The following GBE1 variants were observed in gnomAD, a reference collection of about 807,000 sequenced individuals.
The protein encoded by GBE1 is 1,4-alpha-glucan branching enzyme 1.
A neutral mutation model predicts 88.8 loss-of-function variants in GBE1; 70 were observed. That is an observed-to-expected ratio of 0.79 (90% CI 0.65 to 0.96). The LOEUF (loss-of-function observed/expected upper bound fraction) is 0.96. Ranked by LOEUF, GBE1 falls within the 40% of genes least tolerant of loss-of-function variation. The pLI is 0.00. For synonymous variants in GBE1, 284 were observed against 300.1 expected (o/e 0.95, Z 0.56); for missense variants, 872 against 871.0 (o/e 1.00, Z -0.01).
chr3:81,492,299 A>T (rs1228915360), intron 15 of GBE1, among the ~76,000 whole-genome samples: 1 of 152,198 alleles, frequency 6.6e-6, no homozygotes, highest in African/African-American at 2.4e-5. Context: ...CTTTCCATGC[A>T]ATGTTTTCTC....
chr3:81,589,754 A>T (rs1280071771), intron 9 of GBE1, among the ~76,000 whole-genome samples: 1 of 152,150 alleles, frequency 6.6e-6, no homozygotes, highest in South Asian at 2.1e-4. Context: ...TGTCATTTGT[A>T]ATATCTCTGC....
intron 5 of GBE1, among the ~76,000 whole-genome samples, chr3:81,647,380 T>C (rs1349074190): frequency 1.3e-5 from 2 of 152,214 alleles, no homozygotes; most frequent in African/African-American, 4.8e-5. Context: ...ACACGTCACC[T>C]TCCTTTCTCC....
At chr3:81,693,821 C>G (rs552428135) in intron 2 of GBE1, among the ~76,000 whole-genome samples, 1 of 151,814 alleles carries the variant, frequency 6.6e-6, no homozygotes, top group South Asian at 2.1e-4. Context: ...AATATCAACA[C>G]TATTTAGAGG....
chr3:81,534,189 A>T (rs981588230), intron 14 of GBE1, among the ~76,000 whole-genome samples: 1 of 151,496 alleles, frequency 6.6e-6, no homozygotes, highest in East Asian at 1.9e-4. Flanking sequence ...GTGCTGATTT[A>T]TTGCTAGGTC....
At chr3:81,702,690 G>A (rs1705717679) in intron 2 of GBE1, among the ~76,000 whole-genome samples, 1 of 152,000 alleles carries the variant, frequency 6.6e-6, no homozygotes, top group Admixed American at 6.6e-5. Flanking sequence ...TTTATAAAGA[G>A]TGGAATTTTA....
chr3:81,649,731 A>C, intron 4 of GBE1, 65 bp downstream of exon 4: 1 of 1,376,898 alleles, frequency 7.3e-7, no homozygotes, highest in Non-Finnish European at 1.0e-6. Flanking sequence ...AAAGTTATAA[A>C]AGTAAAAATT....
In GBE1 at chr3:81,553,025, G is replaced by A. The variant is rs562785351; in HGVS notation, c.1619-15930C>T. Among the ~76,000 whole-genome samples, 18 of 152,258 alleles carry A rather than the reference G, an allele frequency of 1.2e-4. No homozygotes were observed. The East Asian group carries it at 1.5e-3, about 13-fold the overall frequency. ...AGTATTCGAACTTAGATGTCTCTGC[G>A]TACTTTTCATTGTATCTGGCACTAA... is the stretch of plus-strand genomic sequence containing the variant. On this transcript the variant is annotated intron_variant, in intron 12 of 15. Transcript: ENST00000429644.
chr3:81,702,207 T>C (rs1003423257), intron 2 of GBE1, among the ~76,000 whole-genome samples: 7 of 149,426 alleles, frequency 4.7e-5, no homozygotes, highest in African/African-American at 1.7e-4. Context: ...TTCACGTAGG[T>C]TGTCATCACA....
At chr3:81,538,624 C>A (rs974452242) in intron 12 of GBE1, among the ~76,000 whole-genome samples, 1 of 151,952 alleles carries the variant, frequency 6.6e-6, no homozygotes, top group Non-Finnish European at 1.5e-5. Flanking sequence ...CCAAGGTATA[C>A]CGATGGCACA....
intron 12 of GBE1, among the ~76,000 whole-genome samples, chr3:81,567,532 A>C (rs536053685): frequency 6.6e-6 from 1 of 152,214 alleles, no homozygotes; most frequent in Non-Finnish European, 1.5e-5. Flanking sequence ...CCTAAAACTA[A>C]ACTCCTCACC....
chr3:81,513,342 A>G (rs1474793387), intron 14 of GBE1, among the ~76,000 whole-genome samples: 1 of 151,776 alleles, frequency 6.6e-6, no homozygotes, highest in Non-Finnish European at 1.5e-5. Flanking sequence ...AACAGGGAAC[A>G]GAAGAGTTTC....
intron 1 of GBE1, 26 bp from the exon 2 acceptor site, chr3:81,705,639 A>T (rs760080170): frequency 3.4e-6 from 5 of 1,460,998 alleles, no homozygotes; most frequent in East Asian, 2.6e-5. Flanking sequence ...AAAGAAAATG[A>T]GTTAGAAAAT....
At chr3:81,688,859 C>T (rs1352349029) in intron 2 of GBE1, among the ~76,000 whole-genome samples, 1 of 151,472 alleles carries the variant, frequency 6.6e-6, no homozygotes, top group Non-Finnish European at 1.5e-5. Flanking sequence ...ATATTTAATG[C>T]TATATGTAAA....
At chr3:81,706,761 A>G (rs1368855127) in intron 1 of GBE1, among the ~76,000 whole-genome samples, 1 of 152,174 alleles carries the variant, frequency 6.6e-6, no homozygotes, top group Non-Finnish European at 1.5e-5. Context: ...AAAGAATAAG[A>G]GCTGAAAGAT....
At chr3:81,609,267 A>G (rs1704141645) in intron 7 of GBE1, among the ~76,000 whole-genome samples, 1 of 152,142 alleles carries the variant, frequency 6.6e-6, no homozygotes, top group African/African-American at 2.4e-5. Flanking sequence ...CAATTTTGGG[A>G]TGACATATCC....
At chr3:81,578,171 C>T in intron 11 of GBE1, 75 bp from the exon 12 acceptor site, 3 of 1,022,062 alleles carry the variant, frequency 2.9e-6, no homozygotes, top group Non-Finnish European at 4.3e-6. Flanking sequence ...TAGAACAATG[C>T]ATGGTTACAA....
At chr3:81,613,917 C>T (rs539863660) in intron 7 of GBE1, among the ~76,000 whole-genome samples, 90 of 148,858 alleles carry the variant, frequency 6.0e-4, no homozygotes, top group African/African-American at 2.1e-3. Context: ...TAAAACTAAA[C>T]GTGTTCACAC....
chr3:81,542,779 C>T (rs1389478341), intron 12 of GBE1, among the ~76,000 whole-genome samples: 2 of 152,068 alleles, frequency 1.3e-5, no homozygotes, highest in South Asian at 4.1e-4. Flanking sequence ...CAGACATTCA[C>T]ACCCCAAACC....
chr3:81,507,676 GTA>G (rs531312110), intron 14 of GBE1, among the ~76,000 whole-genome samples: 3 of 144,926 alleles, frequency 2.1e-5, no homozygotes, highest in East Asian at 2.2e-4. Flanking sequence ...ATGTGTGTGT[GTA>G]TATATATATG....
Sources: gnomAD v4.1 joint callset for allele counts (sites outside exome capture counted in the v4.1 genomes callset) on GRCh38, gnomAD v4.1.1 for gene constraint, MANE v1.5 for transcripts, NCBI Gene and HGNC (gene_info 2026-07-23, HGNC 2026-07-21) for gene names.